HDAC8: variants seen among roughly 807,000 people sequenced by gnomAD.
HDAC8 encodes histone deacetylase-like 1.
A neutral mutation model predicts 32.2 loss-of-function variants in HDAC8; 1 was observed. The ratio of observed to expected loss-of-function variants is 0.03; its 90% CI spans 0.01 to 0.15. HDAC8 has a LOEUF of 0.15. Ranked by LOEUF, HDAC8 falls within the 10% of genes least tolerant of loss-of-function variation. HDAC8 has a pLI of 1.00. For missense variants in HDAC8, 117 were observed against 300.0 expected (o/e 0.39, Z 4.51); for synonymous variants, 108 against 113.9 (o/e 0.95, Z 0.33).
At chrX:72,361,041 T>C (rs782690919) in intron 9 of HDAC8, among the ~76,000 whole-genome samples, 15 of 111,373 alleles carry the variant, frequency 1.3e-4, no homozygotes, top group Admixed American at 4.8e-4. Flanking sequence ...ATAGGGGCTA[T>C]TGAAGATAAG....
At chrX:72,427,556 A>G (rs1383673857) in intron 9 of HDAC8, among the ~76,000 whole-genome samples, 5 of 90,976 alleles carry the variant, frequency 5.5e-5, no homozygotes, top group African/African-American at 1.6e-4. Flanking sequence ...GTGAGAACAC[A>G]TGGACACAGG....
chrX:72,484,077 G>C (rs1466749427), intron 7 of HDAC8, among the ~76,000 whole-genome samples: 1 of 112,516 alleles, frequency 8.9e-6, no homozygotes, highest in East Asian at 2.8e-4. Flanking sequence ...TAAAAGGAAA[G>C]AGGTACGAAT....
chrX:72,566,396 T>G lies in HDAC8; in HGVS notation c.437+1493A>C, dbSNP rs1025997497. Among the ~76,000 whole-genome samples the G allele has an allele frequency of 3.6e-5, 4 of 112,668 alleles. 1 individual carries two copies. The highest frequency in any genetic ancestry group is 1.3e-4 in the African/African-American group (4 of 30,994). On this transcript the variant is annotated intron_variant, in intron 4 of 10. Coordinates refer to ENST00000373573, the MANE Select transcript of HDAC8 (RefSeq NM_018486.3). ...CTAACAAAAGGCAGCTTGTCTCTGT[T>G]TTTAAAACCATGTAAGACTCATTAC... is the stretch of plus-strand genomic sequence containing the variant.
chrX:72,440,924 G>C (rs1458136769), intron 9 of HDAC8, among the ~76,000 whole-genome samples: 1 of 112,674 alleles, frequency 8.9e-6, no homozygotes, highest in Non-Finnish European at 1.9e-5. Context: ...ACGGAGTCTT[G>C]CTGATCGCTA....
intron 4 of HDAC8, among the ~76,000 whole-genome samples, chrX:72,537,110 T>C (rs2050554747): frequency 8.9e-6 from 1 of 112,019 alleles, no homozygotes; most frequent in Admixed American, 9.5e-5. Flanking sequence ...AACTAACTGG[T>C]TTGTACAAGG....
chrX:72,472,465 G>A (rs1209887897), intron 7 of HDAC8, among the ~76,000 whole-genome samples: 1 of 111,861 alleles, frequency 8.9e-6, no homozygotes, highest in Non-Finnish European at 1.9e-5. Flanking sequence ...GCCCCTTTGT[G>A]TAAAATCAAT....
intron 4 of HDAC8, among the ~76,000 whole-genome samples, chrX:72,559,720 G>A (rs1242999315): frequency 1.0e-5 from 1 of 97,270 alleles, no homozygotes; most frequent in Non-Finnish European, 2.1e-5. Context: ...TGCCCAGCCG[G>A]GACCCCATCT....
rs2044186779 is a variant in HDAC8, at chrX:72,351,720, G to A, written c.1111+13C>T. ...TGGAACAAGGAGGGCAGGCCTCGAGGGGCGGTGCTCACCTTTGATGTAGTT... is the reference window on the plus strand; with the variant it reads ...TGGAACAAGGAGGGCAGGCCTCGAGAGGCGGTGCTCACCTTTGATGTAGTT... On this transcript the variant is annotated intron_variant, in intron 10 of 10. Transcript: ENST00000373573. 1.7e-6 allele frequency: 2 copies of A among 1,169,724 alleles called. No individual in the cohort carries two copies. Among genetic ancestry groups the A allele is most frequent in the African/African-American group, 3.5e-5 (2 of 56,544 alleles).
chrX:72,524,187 A>G (rs1406934673), intron 4 of HDAC8, among the ~76,000 whole-genome samples: 1 of 112,291 alleles, frequency 8.9e-6, no homozygotes, highest in East Asian at 2.8e-4. Flanking sequence ...TGATCTGTAT[A>G]CTGATAACTC....
chrX:72,351,594 G>T, intron 10 of HDAC8, 139 bp downstream of exon 10: 1 of 461,808 alleles, frequency 2.2e-6, no homozygotes, highest in Non-Finnish European at 3.8e-6. Flanking sequence ...AAGCTGTCAG[G>T]CCAAGAAGAG....
intron 4 of HDAC8, among the ~76,000 whole-genome samples, chrX:72,512,474 G>A (rs1186701705): frequency 2.7e-5 from 3 of 111,559 alleles, no homozygotes; most frequent in Non-Finnish European, 5.6e-5. Flanking sequence ...CAATTATATC[G>A]TGCAGCCTGT....
At chrX:72,498,829 A>G (rs1249307302) in intron 4 of HDAC8, among the ~76,000 whole-genome samples, 1 of 111,396 alleles carries the variant, frequency 9.0e-6, no homozygotes, top group African/African-American at 3.3e-5. Context: ...CAGTTTGGAT[A>G]TTTGGCCTTC....
chrX:72,551,014 T>G (rs782526600), intron 4 of HDAC8, among the ~76,000 whole-genome samples: 2 of 109,305 alleles, frequency 1.8e-5, no homozygotes, highest in African/African-American at 6.7e-5. Flanking sequence ...AGCAATTCAA[T>G]GCAAATCTGT....
At chrX:72,440,916 G>A (rs1014554122) in intron 9 of HDAC8, among the ~76,000 whole-genome samples, 15 of 112,637 alleles carry the variant, frequency 1.3e-4, no homozygotes, top group African/African-American at 4.8e-4. Flanking sequence ...CTACGCCCAC[G>A]GAGTCTTGCT....
chrX:72,443,235 T>A (rs1371551201), intron 9 of HDAC8, among the ~76,000 whole-genome samples: 1 of 109,646 alleles, frequency 9.1e-6, no homozygotes, highest in African/African-American at 3.3e-5. Flanking sequence ...AATATACATT[T>A]TTTTCAGCAC....
intron 4 of HDAC8, among the ~76,000 whole-genome samples, chrX:72,526,833 T>C (rs1275468955): frequency 9.0e-6 from 1 of 111,158 alleles, no homozygotes; most frequent in Admixed American, 9.6e-5. Context: ...CTTCCTCTCT[T>C]GGATAATTCT....
chrX:72,567,022 G>C (rs781996522), intron 4 of HDAC8, among the ~76,000 whole-genome samples: 1 of 112,107 alleles, frequency 8.9e-6, no homozygotes, highest in Admixed American at 9.4e-5. Context: ...GCGGGTGCCT[G>C]TAATTCCAGC....
At chrX:72,331,197 G>T (rs140291928) in intron 10 of HDAC8, among the ~76,000 whole-genome samples, 1 of 110,088 alleles carries the variant, frequency 9.1e-6, no homozygotes, top group South Asian at 4.0e-4. Context: ...CACCCGACTC[G>T]GCCTCCCAAA....
intron 9 of HDAC8, among the ~76,000 whole-genome samples, chrX:72,409,404 C>T (rs1555969572): frequency 8.9e-6 from 1 of 111,954 alleles, no homozygotes; most frequent in Non-Finnish European, 1.9e-5. Flanking sequence ...GTTACTCCCT[C>T]TTAAAGATCT....
Sources: allele counts gnomAD v4.1 joint callset (sites outside exome capture counted in the v4.1 genomes callset), GRCh38; gene constraint gnomAD v4.1.1; transcripts MANE v1.5; gene names NCBI Gene and HGNC (gene_info 2026-07-23, HGNC 2026-07-21).